The following SUGCT variants were observed in gnomAD, a reference collection of about 807,000 sequenced individuals.
SUGCT encodes succinyl-CoA:glutarate-CoA transferase.
In SUGCT, 41 loss-of-function variants were observed where a neutral mutation model predicts 55.0. The ratio of observed to expected loss-of-function variants is 0.74; its 90% confidence interval spans 0.58 to 0.97. The LOEUF (loss-of-function observed/expected upper bound fraction) is 0.97, where lower values mean the gene tolerates loss of function less well. SUGCT is among the 50% of genes least tolerant of loss of function. SUGCT has a pLI of 0.00. For missense variants in SUGCT, 568 were observed against 547.8 expected, an observed-to-expected ratio of 1.04 and a Z score of -0.37; for synonymous variants, 187 against 200.4, an observed-to-expected ratio of 0.93 and a Z score of 0.56.
chr7:40,711,768 G>A (rs1277884266), intron 12 of SUGCT, among the ~76,000 whole-genome samples: 7 of 152,168 alleles, frequency 4.6e-5, no homozygotes, highest in Admixed American at 4.6e-4. Context: ...GTTTATATTT[G>A]AAGTCATTGA....
chr7:40,678,395 C>G (rs965505671), intron 12 of SUGCT, among the ~76,000 whole-genome samples: 4 of 152,078 alleles, frequency 2.6e-5, no homozygotes, highest in African/African-American at 9.7e-5. Context: ...GGAAGAAGAT[C>G]CTTGATCTAA....
intron 13 of SUGCT, among the ~76,000 whole-genome samples, chr7:40,763,063 C>G (rs1419986605): frequency 6.6e-6 from 1 of 151,984 alleles, no homozygotes; most frequent in African/African-American, 2.4e-5. Flanking sequence ...GTGATCCTCC[C>G]ACCTCTGCCT....
intron 12 of SUGCT, among the ~76,000 whole-genome samples, chr7:40,734,787 A>G (rs1787075146): frequency 6.6e-6 from 1 of 152,182 alleles, no homozygotes; most frequent in Admixed American, 6.5e-5. Flanking sequence ...ATGAAGAGTA[A>G]TAAGAAAAAT....
chr7:40,498,159 G>C (rs1792088571), intron 12 of SUGCT, among the ~76,000 whole-genome samples: 1 of 152,060 alleles, frequency 6.6e-6, no homozygotes, highest in Non-Finnish European at 1.5e-5. Context: ...CTAAGTCAAC[G>C]TACAAGCTTT....
the SUGCT span, among the ~76,000 whole-genome samples, chr7:40,906,173 C>T: frequency 2.0e-5 from 3 of 151,660 alleles, no homozygotes; most frequent in Non-Finnish European, 4.4e-5. Flanking sequence ...CAGTAAAGAC[C>T]GTGGTGGAGA....
intron 12 of SUGCT, among the ~76,000 whole-genome samples, chr7:40,639,215 C>T (rs1241488444): frequency 6.6e-6 from 1 of 152,166 alleles, no homozygotes; most frequent in Non-Finnish European, 1.5e-5. Context: ...GTAGGTCTGT[C>T]TCCCGGGCTA....
chr7:41,019,444 C>T, the SUGCT span, among the ~76,000 whole-genome samples: 1 of 152,142 alleles, frequency 6.6e-6, no homozygotes, highest in East Asian at 1.9e-4. Flanking sequence ...CATTATTTGC[C>T]AGTTCTTGAG....
chr7:40,503,834 A>G (rs1792436901), intron 12 of SUGCT, among the ~76,000 whole-genome samples: 1 of 152,238 alleles, frequency 6.6e-6, no homozygotes, highest in African/African-American at 2.4e-5. Context: ...TGTAAAGTAC[A>G]TATCGGTATG....
At chr7:40,798,549 C>T (rs758826516) in intron 13 of SUGCT, among the ~76,000 whole-genome samples, 8 of 152,178 alleles carry the variant, frequency 5.3e-5, no homozygotes, top group Non-Finnish European at 5.9e-5. Context: ...AATTTTAACT[C>T]ATGTTAGCCA....
At chr7:40,783,842 T>C (rs965751493) in intron 13 of SUGCT, among the ~76,000 whole-genome samples, 2 of 152,176 alleles carry the variant, frequency 1.3e-5, no homozygotes, top group Admixed American at 6.6e-5. Context: ...TGAATTACTA[T>C]GGTTTACTCT....
rs115712936 is a variant in SUGCT at position 40,788,927 on chromosome 7, T to G, written c.1153+39430T>G. Reference sequence around the variant, plus strand: ...TTAATTGTTTGAATAATTATTAGAATTATTAGAGCACAGGCTCCTGGCTGC... The same window carrying G: ...TTAATTGTTTGAATAATTATTAGAAGTATTAGAGCACAGGCTCCTGGCTGC... On this transcript the variant is annotated intron_variant, in intron 13 of 13. Coordinates refer to ENST00000335693, the MANE Select transcript of SUGCT (RefSeq NM_001193313.2). Among the ~76,000 whole-genome samples, 1,287 of 152,306 alleles carry G rather than the reference T, an allele frequency of 8.5e-3. 8 individuals carry two copies. The highest frequency in any genetic ancestry group is 0.048 in the Middle Eastern group (14 of 294).
intron 13 of SUGCT, among the ~76,000 whole-genome samples, chr7:40,776,917 T>C (rs1789481077): frequency 1.5e-5 from 2 of 135,446 alleles, no homozygotes; most frequent in South Asian, 4.4e-4. Context: ...TTGCCATCTA[T>C]AGAACAATGC....
intron 12 of SUGCT, among the ~76,000 whole-genome samples, chr7:40,605,184 T>A (rs988442074): frequency 6.6e-6 from 1 of 152,254 alleles, no homozygotes; most frequent in Non-Finnish European, 1.5e-5. Flanking sequence ...TGGGGAAATT[T>A]TATGTCAAAG....
intron 12 of SUGCT, among the ~76,000 whole-genome samples, chr7:40,624,974 T>C (rs943096792): frequency 1.3e-5 from 2 of 151,796 alleles, no homozygotes; most frequent in Non-Finnish European, 2.9e-5. Context: ...TTCTTATCTT[T>C]CCCCCCCAGT....
chr7:40,457,313 G>A (rs991421154), intron 10 of SUGCT, among the ~76,000 whole-genome samples: 5 of 151,962 alleles, frequency 3.3e-5, no homozygotes, highest in South Asian at 2.1e-4. Context: ...ATGATGGTGC[G>A]CATGCCTGTA....
At chr7:40,721,663 T>C (rs772627242) in intron 12 of SUGCT, among the ~76,000 whole-genome samples, 28 of 152,242 alleles carry the variant, frequency 1.8e-4, no homozygotes, top group Non-Finnish European at 7.3e-5. Context: ...GACATACTTA[T>C]GCACAGAACA....
intron 1 of SUGCT, among the ~76,000 whole-genome samples, chr7:40,157,749 T>G (rs1274170248): frequency 6.6e-6 from 1 of 152,196 alleles, no homozygotes; most frequent in Non-Finnish European, 1.5e-5. Flanking sequence ...AAGTAAATGC[T>G]TCTGTAGGAT....
the SUGCT span, among the ~76,000 whole-genome samples, chr7:40,961,451 C>A: frequency 6.6e-6 from 1 of 152,184 alleles, no homozygotes; most frequent in East Asian, 1.9e-4. Context: ...GATCAATCAC[C>A]TCCTTCCTCA....
chr7:40,391,785 C>A lies in SUGCT; in HGVS notation c.817-57502C>A, dbSNP rs568094033. 2.0e-5 allele frequency among the ~76,000 whole-genome samples: 3 copies of A among 152,224 alleles called. No homozygotes were observed. In the East Asian group the frequency reaches 5.8e-4, roughly 29 times the overall value. ...TTGACCCAGCCATCCCATTACTGGT[C>A]ATATACCCGAAGGATTATAAGTCAT... On this transcript the variant is annotated intron_variant, in intron 9 of 13. Transcript: ENST00000335693.
Sources: allele counts gnomAD v4.1 joint callset (sites outside exome capture counted in the v4.1 genomes callset), GRCh38; gene constraint gnomAD v4.1.1; transcripts MANE v1.5; gene names NCBI Gene and HGNC (gene_info 2026-07-23, HGNC 2026-07-21).